The following MAP3K5 variants were observed in gnomAD, a reference collection of about 807,000 sequenced individuals.
The protein encoded by MAP3K5 is ASK-1.
MAP3K5 carries 56 observed loss-of-function variants against 158.7 expected under a neutral mutation model. The observed-to-expected ratio is 0.35, with a 90% CI of 0.28 to 0.44. The LOEUF is 0.44. MAP3K5 is among the 20% of genes least tolerant of loss of function. The pLI is 1.00. For missense variants in MAP3K5, 1,294 were observed against 1,674.8 expected, an observed-to-expected ratio of 0.77 and a Z score of 3.97; for synonymous variants, 579 against 601.7, an observed-to-expected ratio of 0.96 and a Z score of 0.55.
At chr6:136,766,066 T>C (rs991473476) in intron 1 of MAP3K5, among the ~76,000 whole-genome samples, 15 of 152,190 alleles carry the variant, frequency 9.9e-5, no homozygotes, top group African/African-American at 3.6e-4. Context: ...CCATCCCAGC[T>C]GCACCACAGG....
intron 1 of MAP3K5, among the ~76,000 whole-genome samples, chr6:136,754,404 C>A (rs552340930): frequency 1.3e-5 from 2 of 152,010 alleles, no homozygotes; most frequent in Admixed American, 6.5e-5. Flanking sequence ...ATGGTGAAAC[C>A]CTGTTTCTAC....
intron 1 of MAP3K5, among the ~76,000 whole-genome samples, chr6:136,789,675 C>CTTTTT (rs57162918): frequency 1.3e-5 from 1 of 78,754 alleles, no homozygotes; most frequent in Non-Finnish European, 2.3e-5. Flanking sequence ...AGCACAACCT[C>CTTTTT]TTTTTTTTTT....
intron 1 of MAP3K5, among the ~76,000 whole-genome samples, chr6:136,729,584 T>C (rs1332316238): frequency 6.6e-6 from 1 of 152,222 alleles, no homozygotes; most frequent in Non-Finnish European, 1.5e-5. Flanking sequence ...CTTTGAGTAA[T>C]TTCTCATAGA....
chr6:136,573,222 G>A (rs1039653588), intron 25 of MAP3K5, among the ~76,000 whole-genome samples: 2 of 152,218 alleles, frequency 1.3e-5, no homozygotes, highest in Non-Finnish European at 2.9e-5. Context: ...AAAAGATGGA[G>A]AAAGGGTGAA....
At chr6:136,581,225 A>G (rs966683256) in intron 24 of MAP3K5, among the ~76,000 whole-genome samples, 1 of 152,220 alleles carries the variant, frequency 6.6e-6, no homozygotes, top group Non-Finnish European at 1.5e-5. Flanking sequence ...ATTTGGCCTT[A>G]TGTGAATGGT....
At chr6:136,715,030 C>T (rs992513558) in intron 2 of MAP3K5, among the ~76,000 whole-genome samples, 1 of 152,134 alleles carries the variant, frequency 6.6e-6, no homozygotes, top group East Asian at 1.9e-4. Context: ...AGTAACTTTT[C>T]AGCCAATGGT....
chr6:136,654,142 G>C (rs1056897734), intron 10 of MAP3K5, among the ~76,000 whole-genome samples: 16 of 152,168 alleles, frequency 1.1e-4, no homozygotes, highest in African/African-American at 3.9e-4. Flanking sequence ...TATTTGCTTC[G>C]AAATGTTTTC....
chr6:136,669,884 G>GGTGTGTGTGTGT (rs60778677), intron 7 of MAP3K5, among the ~76,000 whole-genome samples: 3 of 144,402 alleles, frequency 2.1e-5, no homozygotes, highest in African/African-American at 5.1e-5. Context: ...CATCATTCAG[G>GGTGTGTGTGTGT]GTGTGTGTGT....
intron 12 of MAP3K5, 60 bp downstream of exon 12, chr6:136,642,460 G>T: frequency 9.0e-7 from 1 of 1,108,996 alleles, no homozygotes; most frequent in Non-Finnish European, 1.4e-6. Flanking sequence ...GTTCTATCCA[G>T]CCCATGAATA....
chr6:136,644,934 C>G (rs1169873798), intron 11 of MAP3K5, among the ~76,000 whole-genome samples: 5 of 152,150 alleles, frequency 3.3e-5, no homozygotes. Context: ...AAACTACCCT[C>G]AGAATCACCC....
chr6:136,641,013 T>G lies in MAP3K5; in HGVS notation c.1839-1375A>C, dbSNP rs547509872. On this transcript the variant is annotated intron_variant, in intron 12 of 29. Transcript: ENST00000359015. ...GCTACCATACCTAATTAAAGAAAAT[T>G]TATTCATTGGAAAACAGATATGATA... Among the ~76,000 whole-genome samples the G allele has an allele frequency of 2.6e-5, 4 of 152,294 alleles. No homozygotes were observed. In the South Asian group the frequency reaches 8.3e-4, roughly 32 times the overall value.
chr6:136,617,889 C>T (rs1776635959), intron 15 of MAP3K5, among the ~76,000 whole-genome samples: 2 of 152,042 alleles, frequency 1.3e-5, no homozygotes, highest in Non-Finnish European at 2.9e-5. Flanking sequence ...GCCGAGATCG[C>T]GCCACTGCAC....
chr6:136,788,020 C>T (rs753315536), intron 1 of MAP3K5, among the ~76,000 whole-genome samples: 11 of 152,154 alleles, frequency 7.2e-5, no homozygotes, highest in Non-Finnish European at 1.5e-4. Context: ...TCAGTGTCCA[C>T]GAATAACGTT....
intron 1 of MAP3K5, among the ~76,000 whole-genome samples, chr6:136,741,669 G>A (rs1464587729): frequency 2.6e-5 from 4 of 152,022 alleles, no homozygotes; most frequent in Non-Finnish European, 5.9e-5. Flanking sequence ...AAAATAAAAA[G>A]TATACTGATG....
At chr6:136,743,723 A>T (rs895546407) in intron 1 of MAP3K5, among the ~76,000 whole-genome samples, 1 of 152,242 alleles carries the variant, frequency 6.6e-6, no homozygotes, top group Admixed American at 6.5e-5. Flanking sequence ...ATGTCCACAC[A>T]AAACTTGCAC....
intron 25 of MAP3K5, among the ~76,000 whole-genome samples, chr6:136,571,106 C>A (rs1234237832): frequency 6.6e-6 from 1 of 152,136 alleles, no homozygotes; most frequent in African/African-American, 2.4e-5. Context: ...TTTTCCAAGA[C>A]CTCCCATGGA....
intron 2 of MAP3K5, 83 bp from the exon 3 acceptor site, chr6:136,705,216 T>A: frequency 1.5e-6 from 1 of 656,156 alleles, no homozygotes; most frequent in East Asian, 3.2e-5. Flanking sequence ...TGTGGGAAAA[T>A]TTGTATTAAC....
intron 1 of MAP3K5, among the ~76,000 whole-genome samples, chr6:136,764,972 T>C (rs1271377575): frequency 1.3e-5 from 2 of 152,176 alleles, no homozygotes; most frequent in Non-Finnish European, 2.9e-5. Flanking sequence ...GGGATCAGTA[T>C]TACCATGTGT....
chr6:136,614,830 G>C (rs563663150), intron 15 of MAP3K5, among the ~76,000 whole-genome samples: 2 of 152,088 alleles, frequency 1.3e-5, no homozygotes, highest in African/African-American at 4.8e-5. Flanking sequence ...TGAAAGGCCC[G>C]TCAATTTTTC....
Sources: allele counts gnomAD v4.1 joint callset (sites outside exome capture counted in the v4.1 genomes callset), GRCh38; gene constraint gnomAD v4.1.1; transcripts MANE v1.5; gene names NCBI Gene and HGNC (gene_info 2026-07-23, HGNC 2026-07-21).